The following SH3RF1 variants were observed in gnomAD, a reference collection of about 807,000 sequenced individuals.
The protein encoded by SH3RF1 is SH3 domain containing ring finger 1, also known as E3 ubiquitin-protein ligase SH3RF1.
Under a neutral mutation model 74.0 loss-of-function variants are expected in SH3RF1, and 32 were observed. The observed-to-expected ratio is 0.43, with a 90% CI of 0.33 to 0.58. The LOEUF (loss-of-function observed/expected upper bound fraction) is 0.58, where lower values mean the gene tolerates loss of function less well. SH3RF1 is among the 20% of genes least tolerant of loss of function. The pLI, the probability that SH3RF1 is intolerant of heterozygous loss-of-function variation, is 0.05. For missense variants in SH3RF1, 954 were observed against 1,130.9 expected (o/e 0.84, Z 2.24); for synonymous variants, 396 against 439.6 (o/e 0.90, Z 1.24).
intron 2 of SH3RF1, among the ~76,000 whole-genome samples, chr4:169,255,501 T>C (rs1253407155): frequency 6.6e-6 from 1 of 151,802 alleles, no homozygotes; most frequent in Non-Finnish European, 1.5e-5. Context: ...ATCTTAATGG[T>C]ATGGAAGTGA....
chr4:169,200,733 G>A (rs926088940), intron 2 of SH3RF1, among the ~76,000 whole-genome samples: 1 of 152,056 alleles, frequency 6.6e-6, no homozygotes, highest in Non-Finnish European at 1.5e-5. Context: ...AAAGTTCCAC[G>A]GCTATTCACT....
At chr4:169,190,101 C>A (rs1240445207) in intron 2 of SH3RF1, among the ~76,000 whole-genome samples, 1 of 152,212 alleles carries the variant, frequency 6.6e-6, no homozygotes, top group East Asian at 1.9e-4. Context: ...GTTCATAGCC[C>A]TAAACGCCTA....
At chr4:169,120,736 G>A in intron 8 of SH3RF1, 83 bp downstream of exon 8, 1 of 1,434,840 alleles carries the variant, frequency 7.0e-7, no homozygotes, top group Non-Finnish European at 9.5e-7. Context: ...TAATGTGAAA[G>A]GAATCTGGAT....
chr4:169,220,625 G>T (rs1264193769), intron 2 of SH3RF1, among the ~76,000 whole-genome samples: 2 of 152,156 alleles, frequency 1.3e-5, no homozygotes, highest in African/African-American at 4.8e-5. Context: ...CAGCAGTCTG[G>T]GCACCTGGGC....
rs1276587859 is a variant in SH3RF1 at position 169,265,186 on chromosome 4, AGATG to A, written c.393+3630_393+3633del. ...CAAAACCTAATGTGTCTCTCCCACA[AGATG>A]GACTACACATTCAAAAGCTAAGAAT... On this transcript the variant is annotated intron_variant, in intron 2 of 11. Coordinates refer to ENST00000284637, the MANE Select transcript of SH3RF1 (RefSeq NM_020870.4). Among the ~76,000 whole-genome samples, 3 of 152,220 alleles carry A rather than the reference AGATG, an allele frequency of 2.0e-5. No individual in the cohort carries two copies. The East Asian group carries it at 5.8e-4, about 29-fold the overall frequency.
At chr4:169,161,514 A>G (rs562471255) in intron 2 of SH3RF1, among the ~76,000 whole-genome samples, 28 of 152,332 alleles carry the variant, frequency 1.8e-4, no homozygotes, top group African/African-American at 5.8e-4. Flanking sequence ...ACTAGCTGAG[A>G]TTCTAACAGG....
At chr4:169,197,303 ATTCTATAACTTTTAT>A in intron 2 of SH3RF1, among the ~76,000 whole-genome samples, 1 of 152,168 alleles carries the variant, frequency 6.6e-6, no homozygotes, top group East Asian at 1.9e-4. Flanking sequence ...CGCCCAGCCA[ATTCTATAACTTTTAT>A]TTTTACTTAT....
intron 4 of SH3RF1, among the ~76,000 whole-genome samples, chr4:169,137,713 T>C (rs1733721507): frequency 6.6e-6 from 1 of 152,176 alleles, no homozygotes; most frequent in Non-Finnish European, 1.5e-5. Flanking sequence ...ATCACTCTAC[T>C]AGAAGAATGG....
chr4:169,184,594 A>G (rs1274044567), intron 2 of SH3RF1, among the ~76,000 whole-genome samples: 2 of 152,212 alleles, frequency 1.3e-5, no homozygotes, highest in African/African-American at 4.8e-5. Context: ...AATTCAATCC[A>G]CGGAGACCAC....
At chr4:169,118,405 T>A (rs1246038009) in intron 8 of SH3RF1, among the ~76,000 whole-genome samples, 1 of 152,234 alleles carries the variant, frequency 6.6e-6, no homozygotes, top group East Asian at 1.9e-4. Context: ...GTTTCTAAAC[T>A]CCACAATTGT....
At chr4:169,266,953 A>G (rs1731365690) in intron 2 of SH3RF1, among the ~76,000 whole-genome samples, 2 of 152,220 alleles carry the variant, frequency 1.3e-5, no homozygotes, top group African/African-American at 4.8e-5. Context: ...TATCCCAGTT[A>G]TAAGGCTCAA....
intron 10 of SH3RF1, among the ~76,000 whole-genome samples, chr4:169,113,015 C>T (rs1163029963): frequency 1.3e-5 from 2 of 152,124 alleles, no homozygotes; most frequent in African/African-American, 2.4e-5. Flanking sequence ...AGAAAAATAG[C>T]AGAAGAAATG....
chr4:169,256,056 C>A (rs1456867109), intron 2 of SH3RF1, among the ~76,000 whole-genome samples: 1 of 152,186 alleles, frequency 6.6e-6, no homozygotes, highest in East Asian at 1.9e-4. Context: ...GCGTGAGCCA[C>A]CATGCCTGGG....
chr4:169,138,228 T>C (rs1733730721), intron 4 of SH3RF1, among the ~76,000 whole-genome samples: 1 of 152,174 alleles, frequency 6.6e-6, no homozygotes, highest in South Asian at 2.1e-4. Context: ...TAATGCTTTA[T>C]ATTATAGTGG....
chr4:169,216,561 C>T (rs1730467261), intron 2 of SH3RF1, among the ~76,000 whole-genome samples: 1 of 152,056 alleles, frequency 6.6e-6, no homozygotes. Context: ...GCTTTCTCCG[C>T]CAGGAATGGT....
intron 11 of SH3RF1, among the ~76,000 whole-genome samples, chr4:169,101,583 C>T (rs1411840963): frequency 6.9e-6 from 1 of 144,314 alleles, no homozygotes; most frequent in Non-Finnish European, 1.5e-5. Flanking sequence ...GAATTGTACA[C>T]TTGAAAAAAT....
At chr4:169,228,554 C>G (rs1730687949) in intron 2 of SH3RF1, among the ~76,000 whole-genome samples, 1 of 152,134 alleles carries the variant, frequency 6.6e-6, no homozygotes, top group South Asian at 2.1e-4. Context: ...CTCGCTATTC[C>G]ACTTCTAAAA....
At chr4:169,214,823 T>C (rs1294237975) in intron 2 of SH3RF1, among the ~76,000 whole-genome samples, 1 of 152,230 alleles carries the variant, frequency 6.6e-6, no homozygotes, top group Non-Finnish European at 1.5e-5. Context: ...ACCTTGCTAA[T>C]TGACTAATAA....
At position 169,110,172 on chromosome 4, in the gene SH3RF1, G is replaced by A. The variant is rs143900749; in HGVS notation, c.2140-2967C>T. On this transcript the variant is annotated intron_variant, in intron 10 of 11. Coordinates refer to ENST00000284637, the MANE Select transcript of SH3RF1 (RefSeq NM_020870.4). ...GCAGGATTGCTTGAGCCCAGGAGTTGAGAGCAGCCTGGGCAACATAGCAAG... is the reference window on the plus strand; with the variant it reads ...GCAGGATTGCTTGAGCCCAGGAGTTAAGAGCAGCCTGGGCAACATAGCAAG... Among the ~76,000 whole-genome samples, 770 of 151,272 alleles carry A rather than the reference G, an allele frequency of 5.1e-3. 3 individuals carry two copies. The highest frequency in any genetic ancestry group is 0.017 in the African/African-American group (709 of 41,190).
Sources: gnomAD v4.1 joint callset for allele counts (sites outside exome capture counted in the v4.1 genomes callset) on GRCh38, gnomAD v4.1.1 for gene constraint, MANE v1.5 for transcripts, NCBI Gene and HGNC (gene_info 2026-07-23, HGNC 2026-07-21) for gene names.